Variants in BMP2K observed in about 807,000 individuals in gnomAD.
The protein encoded by BMP2K is BMP-2-inducible protein kinase.
A neutral mutation model predicts 116.0 loss-of-function variants in BMP2K; 74 were observed. That is an observed-to-expected ratio of 0.64 (90% CI 0.53 to 0.77). BMP2K has a LOEUF of 0.77. BMP2K is among the 30% of genes least tolerant of loss of function. The pLI is 0.00. For synonymous variants in BMP2K, 486 were observed against 502.5 expected (o/e 0.97, Z 0.44); for missense variants, 1,365 against 1,403.6 (o/e 0.97, Z 0.44).
Position 78,871,959 on chromosome 4 carries a change from T to G in BMP2K, c.1608+11T>G, listed in dbSNP as rs188502070. On this transcript the variant is annotated intron_variant, in intron 12 of 15. Transcript: ENST00000502613. ...CAGTATCCTACAATGGTAACTTAAA[T>G]AATTTCTAGAGATTTCTCTGAGTAT... is the stretch of plus-strand genomic sequence containing the variant. 4,434 of 1,557,642 alleles carry G rather than the reference T, an allele frequency of 2.8e-3. 7 individuals are homozygous for G. Among genetic ancestry groups the G allele is most frequent in the Non-Finnish European group, 3.6e-3 (4,130 of 1,135,264 alleles).
intron 1 of BMP2K, among the ~76,000 whole-genome samples, chr4:78,804,838 A>T (rs1051718001): frequency 6.6e-6 from 1 of 151,574 alleles, no homozygotes; most frequent in African/African-American, 2.4e-5. Flanking sequence ...TTTATTAGAT[A>T]TAGAATTTGC....
At chr4:78,873,120 TA>T (rs563100047) in intron 13 of BMP2K, among the ~76,000 whole-genome samples, 2 of 151,644 alleles carry the variant, frequency 1.3e-5, no homozygotes, top group Middle Eastern at 3.4e-3. Context: ...CTTCAGCAGT[TA>T]AAAAAAAATC....
In BMP2K at chr4:78,829,753, A is replaced by ATCTTTTCTTTTCTTTTCTTTTCTTT. The variant is rs775196460; in HGVS notation, c.297+3612_297+3636dup. Among the ~76,000 whole-genome samples the ATCTTTTCTTTTCTTTTCTTTTCTTT allele has an allele frequency of 5.7e-5, 7 of 122,094 alleles. 1 individual carries two copies. The East Asian group carries it at 1.7e-3, about 29-fold the overall frequency. 80.1% of individuals were successfully genotyped at this position (122,094 alleles called of 152,430 possible). ...TGTTGTGTTAGCAGGCATGGAAACA[A>ATCTTTTCTTTTCTTTTCTTTTCTTT]TCTTTTCTTTTCTTTTCTTTTCTTT... On this transcript the variant is annotated intron_variant, in intron 2 of 15. Coordinates refer to ENST00000502613, the MANE Select transcript of BMP2K (RefSeq NM_198892.2).
intron 13 of BMP2K, 79 bp downstream of exon 13, chr4:78,872,877 T>A: frequency 7.1e-7 from 1 of 1,409,308 alleles, no homozygotes; most frequent in Non-Finnish European, 9.8e-7. Context: ...CATTAAGTTC[T>A]CTTAAATTAG....
rs185261495 is a variant in BMP2K at position 78,863,077 on chromosome 4, C to G, written c.1067+1609C>G. On this transcript the variant is annotated intron_variant, in intron 9 of 15. Coordinates refer to ENST00000502613, the MANE Select transcript of BMP2K (RefSeq NM_198892.2). Reference sequence around the variant, plus strand: ...AATGATGATTTGATTATTTTTTCACCCTAATGCAAGTTATAGCTTTAGAGT... The same window carrying G: ...AATGATGATTTGATTATTTTTTCACGCTAATGCAAGTTATAGCTTTAGAGT... Among the ~76,000 whole-genome samples the G allele has an allele frequency of 2.6e-3, 392 of 151,712 alleles. 1 individual carries two copies. The highest frequency in any genetic ancestry group is 4.4e-3 in the Non-Finnish European group (301 of 67,838).
intron 3 of BMP2K, among the ~76,000 whole-genome samples, chr4:78,835,848 A>G (rs939289642): frequency 2.6e-5 from 4 of 152,170 alleles, no homozygotes; most frequent in Admixed American, 1.3e-4. Flanking sequence ...CAAGGGAAGT[A>G]TATAATTCTG....
At chr4:78,780,285 G>A (rs780900974) in intron 1 of BMP2K, among the ~76,000 whole-genome samples, 2 of 152,170 alleles carry the variant, frequency 1.3e-5, no homozygotes, top group Non-Finnish European at 2.9e-5. Context: ...CGAGGTTATG[G>A]GGGCTGGGTA....
chr4:78,865,593 T>G lies in BMP2K; in HGVS notation c.1104T>G (p.Ile368Met). The G allele has an allele frequency of 6.2e-7, 1 of 1,614,048 alleles. No individual in the cohort carries two copies. Among genetic ancestry groups the G allele is most frequent in the Non-Finnish European group, 8.5e-7 (1 of 1,179,974 alleles). Reference protein sequence around the residue: ...TDTIGPTETSIAPRQRPKANS... With the variant: ...TDTIGPTETSMAPRQRPKANS... ...CCATTGGACCAACAGAAACCTCAAT[T>G]GCACCAAGACAAAGACCAAAGGCCA... The change falls in exon 10 of 16, where the codon ATT becomes ATG. Residue 368 changes from isoleucine (I) to methionine (M), a missense_variant. By Grantham distance (10) the Ile-to-Met change is conservative (BLOSUM62 1). This residue lies in a region of BMP2K where 762 missense variants were observed against 756.7 expected (regional missense o/e 1.01). Coordinates refer to ENST00000502613, the MANE Select transcript of BMP2K (RefSeq NM_198892.2).
intron 3 of BMP2K, among the ~76,000 whole-genome samples, chr4:78,836,395 C>T (rs1205097870): frequency 2.0e-5 from 3 of 149,992 alleles, no homozygotes; most frequent in Non-Finnish European, 3.0e-5. Flanking sequence ...CCAGCCTGGG[C>T]AACAGAGCGA....
Position 78,845,062 on chromosome 4 carries a change from C to T in BMP2K, c.668+13C>T, listed in dbSNP as rs199657251. On this transcript the variant is annotated intron_variant, in intron 5 of 15. Coordinates refer to ENST00000502613, the MANE Select transcript of BMP2K (RefSeq NM_198892.2). ...AAGAAATTAAAAAGTAAGTATTTGT[C>T]TTTATTGCACTTTTGTCATGGTAAT... The T allele has an allele frequency of 1.7e-4, 262 of 1,551,098 alleles. No individual in the cohort carries two copies. Among genetic ancestry groups the T allele is most frequent in the Non-Finnish European group, 2.2e-4 (245 of 1,130,168 alleles).
intron 10 of BMP2K, among the ~76,000 whole-genome samples, chr4:78,867,784 C>A (rs1732129034): frequency 6.6e-6 from 1 of 152,162 alleles, no homozygotes; most frequent in South Asian, 2.1e-4. Flanking sequence ...GGAGGCCGGG[C>A]ATGGTGGCTC....
intron 14 of BMP2K, among the ~76,000 whole-genome samples, chr4:78,881,826 C>T (rs146625080): frequency 1.1e-3 from 172 of 151,892 alleles, no homozygotes; most frequent in African/African-American, 3.9e-3. Flanking sequence ...AAATTTTGCC[C>T]ATCAGTATAA....
At chr4:78,898,593 T>C (rs1295276921) in intron 15 of BMP2K, among the ~76,000 whole-genome samples, 1 of 149,694 alleles carries the variant, frequency 6.7e-6, no homozygotes, top group Non-Finnish European at 1.5e-5. Flanking sequence ...CTAGACTGTA[T>C]ATCTAATCAT....
intron 7 of BMP2K, among the ~76,000 whole-genome samples, chr4:78,855,144 A>G (rs1731442801): frequency 6.6e-6 from 1 of 152,152 alleles, no homozygotes; most frequent in Non-Finnish European, 1.5e-5. Flanking sequence ...ATTATCAGCT[A>G]TTAAATTTAG....
intron 13 of BMP2K, among the ~76,000 whole-genome samples, chr4:78,878,213 T>G (rs1732723890): frequency 6.6e-6 from 1 of 152,172 alleles, no homozygotes; most frequent in Non-Finnish European, 1.5e-5. Context: ...GGAATGCCTT[T>G]GTCAAAAGGA....
intron 15 of BMP2K, among the ~76,000 whole-genome samples, chr4:78,908,716 CCTCTT>C (rs1206891591): frequency 6.6e-6 from 1 of 152,102 alleles, no homozygotes; most frequent in Non-Finnish European, 1.5e-5. Context: ...TTTTAGTACT[CCTCTT>C]CACTTTCCAA....
intron 15 of BMP2K, among the ~76,000 whole-genome samples, chr4:78,897,877 G>A (rs937261486): frequency 3.9e-5 from 6 of 152,178 alleles, no homozygotes; most frequent in East Asian, 1.9e-4. Flanking sequence ...CAAGGACTTC[G>A]AGATTGGTTA....
chr4:78,889,946 G>A (rs1733340672), intron 15 of BMP2K, among the ~76,000 whole-genome samples: 1 of 152,146 alleles, frequency 6.6e-6, no homozygotes, highest in African/African-American at 2.4e-5. Context: ...AAGAACCACT[G>A]TCCTGAATCT....
chr4:78,852,177 G>A (rs1349346926), intron 7 of BMP2K, among the ~76,000 whole-genome samples: 1 of 151,998 alleles, frequency 6.6e-6, no homozygotes, highest in Non-Finnish European at 1.5e-5. Context: ...TAATGTGGGA[G>A]TGGGGTGGGG....
Sources: allele counts gnomAD v4.1 joint callset (sites outside exome capture counted in the v4.1 genomes callset), GRCh38; gene constraint gnomAD v4.1.1; regional missense constraint gnomAD v4.1.1; transcripts MANE v1.5; gene names NCBI Gene and HGNC (gene_info 2026-07-23, HGNC 2026-07-21).